The following TXNIP variants were observed in gnomAD, a reference collection of about 807,000 sequenced individuals.
TXNIP encodes thioredoxin interacting protein.
In TXNIP, 23 loss-of-function variants were observed where a neutral mutation model predicts 43.9. The observed-to-expected ratio is 0.52, with a 90% CI of 0.38 to 0.74. The LOEUF (loss-of-function observed/expected upper bound fraction) is 0.74, where lower values mean the gene tolerates loss of function less well. Ranked by LOEUF, TXNIP falls within the 30% of genes least tolerant of loss-of-function variation. The pLI is 0.00. For missense variants in TXNIP, 555 were observed against 485.4 expected (o/e 1.14, Z -1.35); for synonymous variants, 234 against 172.2 (o/e 1.36, Z -2.81).
rs1553765765 is a variant in TXNIP at position 145,993,811 on chromosome 1, A to G, written c.*40T>C. 2 of 1,613,032 alleles carry G rather than the reference A, an allele frequency of 1.2e-6. No individual in the cohort carries two copies. Among genetic ancestry groups the G allele is most frequent in the Non-Finnish European group, 1.7e-6 (2 of 1,179,322 alleles). On this transcript the variant is annotated 3_prime_UTR_variant, in exon 8 of 8. Coordinates refer to ENST00000582401, the MANE Select transcript of TXNIP (RefSeq NM_006472.6). ...TGAGTGTCCAGGAAGAGAGACAAAAAGAAACAAGTAGGTAAAGCTGCTTCT... is the reference window on the plus strand; with the variant it reads ...TGAGTGTCCAGGAAGAGAGACAAAAGGAAACAAGTAGGTAAAGCTGCTTCT...
rs782668093 is a variant in TXNIP, at chr1:145,996,267, G to A, written c.-1C>T. The A allele has an allele frequency of 6.2e-7, 1 of 1,613,254 alleles. No homozygotes were observed. Among genetic ancestry groups the A allele is most frequent in the South Asian group, 1.1e-5 (1 of 91,014 alleles). On this transcript the variant is annotated 5_prime_UTR_variant, in exon 1 of 8. Coordinates refer to ENST00000582401, the MANE Select transcript of TXNIP (RefSeq NM_006472.6). ...ACTTGATCTTCTTGAACATCACCAT[G>A]ATGGAACTGAGTTGGTTTTAAGAGT...
chr1:145,995,540 A>T, intron 1 of TXNIP, 64 bp from the exon 2 acceptor site: 2 of 1,478,408 alleles, frequency 1.4e-6, no homozygotes, highest in Non-Finnish European at 9.5e-7. Context: ...CATCTGTGTG[A>T]TAAGGAATGC....
Position 145,996,034 on chromosome 1 carries a change from A to C in TXNIP, c.233T>G (p.Leu78Arg). Residue 78 changes from leucine (L) to arginine (R), a missense_variant, in exon 1 of 8, where the codon CTG becomes CGG. Coordinates refer to ENST00000582401, the MANE Select transcript of TXNIP (RefSeq NM_006472.6). ...EYLRYEDTLL[L>R]EDQPTGENEM... The stretch of plus-strand genomic sequence containing the variant: ...CCGCTTACCTGTTGGCTGGTCTTCC[A>C]GAAGAAGCGTGTCTTCATAGCGCAG... 6.2e-7 allele frequency: 1 copy of C among 1,613,646 alleles called. No homozygotes were observed. The highest frequency in any genetic ancestry group is 8.5e-7 in the Non-Finnish European group (1 of 1,179,872).
At position 145,995,219 on chromosome 1, in the gene TXNIP, C is replaced by T. The variant is rs782574658; in HGVS notation, c.396G>A (p.Pro132=). The change falls in exon 3 of 8, where the codon CCG becomes CCA. Residue 132 remains proline (P), a synonymous_variant. Coordinates refer to ENST00000582401, the MANE Select transcript of TXNIP (RefSeq NM_006472.6). ...DYWVKAFLDR[P]SQPTQETKKN... is the part of the protein sequence containing the mutation. ...TCTTTGTCTCTTGAGTTGGCTGGCT[C>T]GGGCGGTCAAGAAAAGCCTTCACCC... is the stretch of plus-strand genomic sequence containing the variant. 1 of 1,614,096 alleles carries T rather than the reference C, an allele frequency of 6.2e-7. No individual in the cohort carries two copies. Among genetic ancestry groups the T allele is most frequent in the Non-Finnish European group, 8.5e-7 (1 of 1,180,026 alleles).
rs1474423371 is a variant in TXNIP, at chr1:145,992,814, T to C, written c.*1037A>G. 2.0e-5 allele frequency: 3 copies of C among 152,644 alleles called. No homozygotes were observed. Among genetic ancestry groups the C allele is most frequent in the African/African-American group, 7.2e-5 (3 of 41,454 alleles). 9.5% of individuals were successfully genotyped at this position (152,644 alleles called of 1,614,324 possible). On this transcript the variant is annotated 3_prime_UTR_variant, in exon 8 of 8. Coordinates refer to ENST00000582401, the MANE Select transcript of TXNIP (RefSeq NM_006472.6). ...GTATTTGGAGGTTCTGATCACAGGG[T>C]TGGGCATCTTGATCAAGAGTTCCTC...
At position 145,996,001 on chromosome 1, in the gene TXNIP, G is replaced by A. The variant is rs782558600; in HGVS notation, c.250+16C>T. The A allele has an allele frequency of 6.2e-7, 1 of 1,611,722 alleles. No homozygotes were observed. The highest frequency in any genetic ancestry group is 1.3e-5 in the African/African-American group (1 of 74,956). ...TAATCAGCTTTCACCCTCCAACAAT[G>A]AATTGGGCCGCTTACCTGTTGGCTG... On this transcript the variant is annotated intron_variant, in intron 1 of 7. Coordinates refer to ENST00000582401, the MANE Select transcript of TXNIP (RefSeq NM_006472.6).
At position 145,995,295 on chromosome 1, in the gene TXNIP, T is replaced by TGTCAA; in HGVS notation, c.324-9_324-5dup. 1 of 1,611,170 alleles carries TGTCAA rather than the reference T, an allele frequency of 6.2e-7. No individual in the cohort carries two copies. The highest frequency in any genetic ancestry group is 8.5e-7 in the Non-Finnish European group (1 of 1,177,962). ...TTTGAAGGATGTTCCCAGAGGCCTGTGTCAAGAAAATGAAAATTTTAAAAC... is the reference window on the plus strand; with the variant it reads ...TTTGAAGGATGTTCCCAGAGGCCTGTGTCAAGTCAAGAAAATGAAAATTTTAAAAC... On this transcript the variant is annotated splice_polypyrimidine_tract_variant and splice_region_variant and intron_variant, in intron 2 of 7. Transcript: ENST00000582401.
At chr1:145,995,858 G>GA in intron 1 of TXNIP, 159 bp downstream of exon 1, 3 of 886,630 alleles carry the variant, frequency 3.4e-6, no homozygotes, top group Non-Finnish European at 5.0e-6. Context: ...TTTGGGGGGG[G>GA]AGGAGAATGT....
chr1:145,994,861 C>G, intron 4 of TXNIP, 61 bp from the exon 5 acceptor site: 2 of 1,613,632 alleles, frequency 1.2e-6, no homozygotes, highest in Non-Finnish European at 1.7e-6. Context: ...ACTTCCTCTA[C>G]CCCAGTCCCA....
Position 145,994,108 on chromosome 1 carries a change from G to A in TXNIP, c.1048C>T (p.Pro350Ser). 6.2e-7 allele frequency: 1 copy of A among 1,614,174 alleles called. No homozygotes were observed. Among genetic ancestry groups the A allele is most frequent in the Non-Finnish European group, 8.5e-7 (1 of 1,180,022 alleles). The change falls in exon 7 of 8, where the codon CCT becomes TCT. Residue 350 changes from proline to serine, a missense_variant. Physicochemically the swap from Pro to Ser is moderately conservative, Grantham distance 74. Transcript: ENST00000582401. ...EDHRLESPTT[P>S]LLDDMDGSQD... is the part of the protein sequence containing the mutation. ...GAGCCATCCATGTCATCTAGCAGAG[G>A]AGTGGTTGGGCTCTCCAATCGGTGA...
At chr1:145,995,353 G>C in intron 2 of TXNIP, 51 bp downstream of exon 2, 1 of 1,609,716 alleles carries the variant, frequency 6.2e-7, no homozygotes, top group Non-Finnish European at 8.5e-7. Flanking sequence ...TCAAAGGAGG[G>C]CAAGATATTT....
chr1:145,995,774 C>G (rs782754421), intron 1 of TXNIP: 7 of 617,810 alleles, frequency 1.1e-5, no homozygotes, highest in Non-Finnish European at 2.0e-5. Context: ...AAGACTTTAA[C>G]TACCCGAGGC....
chr1:145,995,522 T>C (rs1559267252), intron 1 of TXNIP, 46 bp from the exon 2 acceptor site: 2 of 1,564,416 alleles, frequency 1.3e-6, no homozygotes, highest in Non-Finnish European at 1.8e-6. Context: ...GCTGTTACAC[T>C]TAAAATGCAT....
intron 4 of TXNIP, 64 bp downstream of exon 4, chr1:145,994,865 A>AG (rs1651393640): frequency 3.1e-6 from 5 of 1,613,778 alleles, no homozygotes; most frequent in Non-Finnish European, 4.2e-6. Flanking sequence ...CCTCTACCCC[A>AG]GTCCCATGCC....
intron 4 of TXNIP, 40 bp downstream of exon 4, chr1:145,994,889 C>T (rs1316783152): frequency 3.7e-6 from 6 of 1,613,986 alleles, no homozygotes; most frequent in Non-Finnish European, 5.1e-6. Context: ...GCCCCTAAAC[C>T]CAGTTCCTGT....
Position 145,996,214 on chromosome 1 carries a change from T to C in TXNIP, c.53A>G (p.Glu18Gly), listed in dbSNP as rs782522899. The C allele has an allele frequency of 1.2e-5, 20 of 1,613,920 alleles. No homozygotes were observed. The highest frequency in any genetic ancestry group is 3.4e-6 in the Non-Finnish European group (4 of 1,180,016). Residue 18 changes from glutamate (E) to glycine (G), a missense_variant, in exon 1 of 8, where the codon GAA becomes GGA. Physicochemically the swap from Glu to Gly is moderately conservative, Grantham distance 98. Transcript: ENST00000582401. ...CTTCTCGCCACTGCCGTACACCTTTTCAGGGTCGTTAAAGACCACCTCAAA... is the reference window on the plus strand; with the variant it reads ...CTTCTCGCCACTGCCGTACACCTTTCCAGGGTCGTTAAAGACCACCTCAAA... The part of the protein sequence containing the change: ...KSFEVVFNDP[E>G]KVYGSGEKVA...
chr1:145,996,550 A>C lies in TXNIP; in HGVS notation c.-284T>G, dbSNP rs1384792661. 3.2e-6 allele frequency: 1 copy of C among 309,972 alleles called. No homozygotes were observed. Among genetic ancestry groups the C allele is most frequent in the Non-Finnish European group, 6.1e-6 (1 of 163,540 alleles). 19.2% of individuals were successfully genotyped at this position (309,972 alleles called of 1,614,324 possible). A position where few individuals can be genotyped will look rare whatever the true frequency, so the allele number is the denominator to read the frequency against. On this transcript the variant is annotated 5_prime_UTR_variant, in exon 1 of 8. Transcript: ENST00000582401. ...GAGAAAAGATCCGATCTCCACAAGC[A>C]CTCCTTTGGAGAAAAAGAGGGGTTA...
In TXNIP at chr1:145,993,670, G is replaced by A; in HGVS notation, c.*181C>T. The A allele has an allele frequency of 1.6e-6, 1 of 628,212 alleles. No individual in the cohort carries two copies. Among genetic ancestry groups the A allele is most frequent in the Non-Finnish European group, 2.7e-6 (1 of 367,160 alleles). The allele number at this position is 628,212 out of a possible 1,614,324, so 38.9% of individuals were successfully genotyped here. On this transcript the variant is annotated 3_prime_UTR_variant, in exon 8 of 8. Coordinates refer to ENST00000582401, the MANE Select transcript of TXNIP (RefSeq NM_006472.6). ...CACAACATGGGCGCTGGCTGAGGAT[G>A]AGTCCGCATCCTTTAAGGCCCAGGA...
rs1553766376 is a variant in TXNIP, at chr1:145,995,481, AG to A, written c.251-6del. 8 of 1,613,968 alleles carry A rather than the reference AG, an allele frequency of 5.0e-6. No individual in the cohort carries two copies. Among genetic ancestry groups the A allele is most frequent in the Non-Finnish European group, 6.8e-6 (8 of 1,179,946 alleles). ...TGATCACCATCTCATTCTCACCTGA[AG>A]GGAAAGAAAATCGAGTAGCCATTAG... On this transcript the variant is annotated splice_polypyrimidine_tract_variant and splice_region_variant and intron_variant, in intron 1 of 7. Transcript: ENST00000582401.
Sources: allele counts gnomAD v4.1 joint callset, GRCh38; gene constraint gnomAD v4.1.1; transcripts MANE v1.5; gene names NCBI Gene and HGNC (gene_info 2026-07-23, HGNC 2026-07-21).